The following PER2 variants were observed in gnomAD, a reference collection of about 807,000 sequenced individuals.
PER2 encodes the protein period circadian regulator 2.
PER2 carries 66 observed loss-of-function variants against 121.0 expected under a neutral mutation model. The observed-to-expected ratio is 0.55, with a 90% CI of 0.45 to 0.67. The LOEUF is 0.67. PER2 is among the 30% of genes least tolerant of loss of function. PER2 has a pLI of 0.00. For missense variants in PER2, 1,521 were observed against 1,635.0 expected, an observed-to-expected ratio of 0.93 and a Z score of 1.20; for synonymous variants, 684 against 659.9, an observed-to-expected ratio of 1.04 and a Z score of -0.56.
At chr2:238,292,483 T>C (rs977960199), upstream of PER2, among the ~76,000 whole-genome samples, 1 of 152,156 alleles carries the variant, frequency 6.6e-6, no homozygotes, top group African/African-American at 2.4e-5. Context: ...ATCACAGAGC[T>C]GGTGGCACAA....
intron 14 of PER2, 140 bp from the exon 15 acceptor site, chr2:238,258,784 G>T: frequency 2.3e-6 from 2 of 872,896 alleles, no homozygotes; most frequent in Non-Finnish European, 3.7e-6. Flanking sequence ...CCTGGGGACA[G>T]CCTGGCATCT....
chr2:238,290,022 C>G (rs1469997719), upstream of PER2: 1 of 152,260 alleles, frequency 6.6e-6, no homozygotes, highest in Non-Finnish European at 1.5e-5. Context: ...TCTTGTTCTT[C>G]TTTACCTGGA....
chr2:238,258,462 AG>A, intron 15 of PER2, 34 bp downstream of exon 15: 1 of 1,614,074 alleles, frequency 6.2e-7, no homozygotes, highest in Non-Finnish European at 8.5e-7. Context: ...AAGGTGTGTG[AG>A]ATGGTGGAGA....
rs1334920463 is a variant in PER2 at position 238,277,959 on chromosome 2, GCAAA to G, written c.-19-8_-19-5del. ...CATGCTGGGCTCTGGAACGAAGCTG[GCAAA>G]CAGAGGGATGCTGTCACGCATTAAC... is the stretch of plus-strand genomic sequence containing the variant. On this transcript the variant is annotated splice_polypyrimidine_tract_variant and splice_region_variant and intron_variant, in intron 1 of 22. Coordinates refer to ENST00000254657, the MANE Select transcript of PER2 (RefSeq NM_022817.3). 2.5e-6 allele frequency: 4 copies of G among 1,610,360 alleles called. No homozygotes were observed. Among genetic ancestry groups the G allele is most frequent in the Admixed American group, 1.7e-5 (1 of 59,566 alleles).
chr2:238,245,654 A>G lies in PER2; in HGVS notation c.*721T>C. 1 of 398,690 alleles carries G rather than the reference A, an allele frequency of 2.5e-6. No individual in the cohort carries two copies. 24.7% of individuals were successfully genotyped at this position (398,690 alleles called of 1,614,324 possible). ...GGAGACAAGAATAATGCAGAAATAT[A>G]CAGAGGGTCTGTCTGCGTGTGCATT... On this transcript the variant is annotated 3_prime_UTR_variant, in exon 23 of 23. Coordinates refer to ENST00000254657, the MANE Select transcript of PER2 (RefSeq NM_022817.3).
chr2:238,255,498 T>C (rs1695732381), intron 18 of PER2, 159 bp downstream of exon 18: 1 of 793,960 alleles, frequency 1.3e-6, no homozygotes, highest in East Asian at 2.4e-5. Flanking sequence ...TGGGAAGTTC[T>C]ACAGAAACAG....
At chr2:238,271,273 G>A (rs2304676) in intron 6 of PER2, 39 bp downstream of exon 6, 98,793 of 1,576,062 alleles carry the variant, frequency 0.063, 4,942 homozygotes, top group East Asian at 0.28. Context: ...CCCCTTTCCC[G>A]ACCCCAGAGG....
chr2:238,276,230 G>A (rs1696451628), intron 3 of PER2, among the ~76,000 whole-genome samples: 1 of 152,240 alleles, frequency 6.6e-6, no homozygotes, highest in African/African-American at 2.4e-5. Flanking sequence ...AGGACATCTA[G>A]CAGCATCCCT....
In PER2 at chr2:238,262,964, T is replaced by A; in HGVS notation, c.1141A>T (p.Ile381Phe). 4 of 1,610,392 alleles carry A rather than the reference T, an allele frequency of 2.5e-6. No homozygotes were observed. The highest frequency in any genetic ancestry group is 1.3e-5 in the African/African-American group (1 of 74,966). The change falls in exon 10 of 23, where the codon ATC becomes TTC. Residue 381 changes from isoleucine (I) to phenylalanine (F), a missense_variant. Ile to Phe is a conservative substitution (Grantham distance 21, BLOSUM62 0). Transcript: ENST00000254657. ...AAAGGGGACCTACTCTTTTTGTGGA[T>A]GGCCAGCATCAAGGGCCTGTCACTA... ...HPSDRPLMLA[I>F]HKKILQSGGQ...
At chr2:238,275,340 C>A (rs1211291340) in intron 4 of PER2, among the ~76,000 whole-genome samples, 1 of 152,138 alleles carries the variant, frequency 6.6e-6, no homozygotes. Flanking sequence ...TCACAACAGA[C>A]CAACACAGCT....
intron 1 of PER2, among the ~76,000 whole-genome samples, 178 bp downstream of exon 1, chr2:238,288,171 G>A (rs553221271): frequency 6.6e-5 from 10 of 152,176 alleles, no homozygotes; most frequent in Admixed American, 2.0e-4. Context: ...TGTGGCCTCA[G>A]AAGAGGCAGT....
At chr2:238,275,400 A>T (rs1696421168) in intron 4 of PER2, among the ~76,000 whole-genome samples, 1 of 152,192 alleles carries the variant, frequency 6.6e-6, no homozygotes, top group African/African-American at 2.4e-5. Flanking sequence ...CTAAAGAAAA[A>T]AGGCCAGGCC....
At chr2:238,265,741 C>T (rs1696073064) in intron 8 of PER2, 151 bp from the exon 9 acceptor site, 1 of 638,062 alleles carries the variant, frequency 1.6e-6, no homozygotes, top group African/African-American at 1.8e-5. Context: ...CAGAGACTGC[C>T]ACACTGAGAA....
At chr2:238,286,896 C>A (rs958117128) in intron 1 of PER2, among the ~76,000 whole-genome samples, 1 of 152,204 alleles carries the variant, frequency 6.6e-6, no homozygotes, top group Non-Finnish European at 1.5e-5. Context: ...GCACTGCAGA[C>A]GTGGCTCACA....
Position 238,262,284 on chromosome 2 carries a change from C to A in PER2, c.1214G>T (p.Gly405Val). The A allele has an allele frequency of 6.2e-7, 1 of 1,614,010 alleles. No individual in the cohort carries two copies. Among genetic ancestry groups the A allele is most frequent in the South Asian group, 1.1e-5 (1 of 91,076 alleles). The change falls in exon 11 of 23, where the codon GGA becomes GTA. Residue 405 changes from glycine (G) to valine (V), a missense_variant. Coordinates refer to ENST00000254657, the MANE Select transcript of PER2 (RefSeq NM_022817.3). ...GCTGGTGTCCAACGTGATGTACTCTCCGTTCCGGGCGCGAAACCGAATGGG... is the reference window on the plus strand; with the variant it reads ...GCTGGTGTCCAACGTGATGTACTCTACGTTCCGGGCGCGAAACCGAATGGG... ...YSPIRFRARN[G>V]EYITLDTSWS...
intron 1 of PER2, among the ~76,000 whole-genome samples, chr2:238,281,389 T>G (rs996167196): frequency 6.6e-6 from 1 of 152,202 alleles, no homozygotes; most frequent in African/African-American, 2.4e-5. Context: ...GTGGGTTACA[T>G]AGCTGGTTTT....
chr2:238,266,891 A>G (rs1052719516), intron 8 of PER2, among the ~76,000 whole-genome samples: 1 of 151,958 alleles, frequency 6.6e-6, no homozygotes, highest in Non-Finnish European at 1.5e-5. Context: ...ACAAAAAAAA[A>G]GAAAAAAATT....
chr2:238,278,909 A>T (rs1696543968), intron 1 of PER2, among the ~76,000 whole-genome samples: 1 of 152,216 alleles, frequency 6.6e-6, no homozygotes, highest in South Asian at 2.1e-4. Flanking sequence ...GGCCCACGGA[A>T]CTCAGCTTGC....
At chr2:238,246,578 CAA>C (rs1401972568) in intron 22 of PER2, 54 bp from the exon 23 acceptor site, 1 of 1,356,158 alleles carries the variant, frequency 7.4e-7, no homozygotes, top group Non-Finnish European at 1.0e-6. Context: ...TGAGTTGTTA[CAA>C]AAGTCATTCA....
Sources: gnomAD v4.1 joint callset for allele counts (sites outside exome capture counted in the v4.1 genomes callset) on GRCh38, gnomAD v4.1.1 for gene constraint, MANE v1.5 for transcripts, NCBI Gene and HGNC (gene_info 2026-07-23, HGNC 2026-07-21) for gene names.